Variants in PTPRN2 observed in about 807,000 individuals in gnomAD.
The protein encoded by PTPRN2 is receptor-type tyrosine-protein phosphatase N2.
In PTPRN2, 74 loss-of-function variants were observed where a neutral mutation model predicts 118.8. The ratio of observed to expected loss-of-function variants is 0.62; its 90% CI spans 0.52 to 0.76. PTPRN2 has a LOEUF of 0.76. Ranked by LOEUF, PTPRN2 falls within the 30% of genes least tolerant of loss-of-function variation. PTPRN2 has a pLI of 0.00. For missense variants in PTPRN2, 1,481 were observed against 1,394.4 expected (o/e 1.06, Z -0.99); for synonymous variants, 641 against 608.0 (o/e 1.05, Z -0.80).
intron 20 of PTPRN2, among the ~76,000 whole-genome samples, chr7:157,569,619 A>G (rs1799662060): frequency 6.6e-6 from 1 of 152,252 alleles, no homozygotes; most frequent in Non-Finnish European, 1.5e-5. Context: ...AATGTTTTGA[A>G]TAATACTTCA....
At chr7:158,130,268 G>A (rs528113161) in intron 9 of PTPRN2, among the ~76,000 whole-genome samples, 4 of 152,294 alleles carry the variant, frequency 2.6e-5, no homozygotes, top group Admixed American at 6.5e-5. Flanking sequence ...CCTCCAGTGC[G>A]AATGATCCTC....
At chr7:157,665,696 G>A (rs1479470214) in intron 13 of PTPRN2, among the ~76,000 whole-genome samples, 2 of 152,224 alleles carry the variant, frequency 1.3e-5, no homozygotes. Flanking sequence ...TATGTTTATT[G>A]TGGCACTATT....
intron 5 of PTPRN2, among the ~76,000 whole-genome samples, chr7:158,174,988 A>C (rs1201650914): frequency 1.3e-5 from 2 of 152,176 alleles, no homozygotes; most frequent in Non-Finnish European, 2.9e-5. Context: ...TCCCAAAGGC[A>C]CAATTATGAG....
chr7:157,912,999 A>G (rs1209748108), intron 11 of PTPRN2, among the ~76,000 whole-genome samples: 1 of 152,228 alleles, frequency 6.6e-6, no homozygotes, highest in African/African-American at 2.4e-5. Context: ...GATTTTTGTT[A>G]AAATTTTATT....
At chr7:158,346,176 G>T (rs1807496605) in intron 2 of PTPRN2, among the ~76,000 whole-genome samples, 1 of 152,208 alleles carries the variant, frequency 6.6e-6, no homozygotes, top group South Asian at 2.1e-4. Context: ...TTTGGAATTT[G>T]TTCTCTCAGC....
chr7:157,615,416 A>G lies in PTPRN2; in HGVS notation c.2344+5946T>C, dbSNP rs1052915413. ...CCAGCTCTGTCCCTGTGTGAATCTC[A>G]GGGCTGTTTCGAGGATGAAAAGGAG... On this transcript the variant is annotated intron_variant, in intron 15 of 22. Transcript: ENST00000389418. The surrounding 1 kb of genome is among the most constrained non-coding windows in gnomAD (Gnocchi z 4.3). 2.1e-6 allele frequency: 1 copy of G among 470,886 alleles called. No homozygotes were observed. Among genetic ancestry groups the G allele is most frequent in the Non-Finnish European group, 4.4e-6 (1 of 226,966 alleles). 29.2% of individuals were successfully genotyped at this position (470,886 alleles called of 1,614,324 possible).
At position 158,484,629 on chromosome 7, in the gene PTPRN2, C is replaced by T. The variant is rs534259854; in HGVS notation, c.163+5106G>A. On this transcript the variant is annotated intron_variant, in intron 2 of 22. Coordinates refer to ENST00000389418, the MANE Select transcript of PTPRN2 (RefSeq NM_002847.5). ...CTGCCCGCCTCGGCCTCCTGAAGTG[C>T]TGGGATTACAGGGTGAGCCTCCGCC... Among the ~76,000 whole-genome samples, 61 of 152,324 alleles carry T rather than the reference C, an allele frequency of 4.0e-4. 1 individual carries two copies. Among genetic ancestry groups the T allele is most frequent in the Admixed American group, 3.5e-3 (53 of 15,298 alleles).
rs897734562 is a variant in PTPRN2 at position 157,801,034 on chromosome 7, CAT to C, written c.1788+97637_1788+97638del. Among the ~76,000 whole-genome samples, 6 of 148,186 alleles carry C rather than the reference CAT, an allele frequency of 4.0e-5. No individual in the cohort carries two copies. The highest frequency in any genetic ancestry group is 1.9e-4 in the East Asian group (1 of 5,132). ...ACATATACACACACATATATATACA[CAT>C]ATATATACACATATATACACATATA... On this transcript the variant is annotated intron_variant, in intron 12 of 22. Transcript: ENST00000389418. The surrounding 1 kb of genome is among the most constrained non-coding windows in gnomAD (Gnocchi z 4.2).
At chr7:158,437,359 G>T (rs1428215629) in intron 2 of PTPRN2, among the ~76,000 whole-genome samples, 1 of 152,222 alleles carries the variant, frequency 6.6e-6, no homozygotes, top group East Asian at 1.9e-4. Context: ...ATCAACCACA[G>T]TTATTTTAAA....
chr7:158,264,914 C>T (rs989721222), intron 3 of PTPRN2, among the ~76,000 whole-genome samples: 1 of 152,096 alleles, frequency 6.6e-6, no homozygotes, highest in Admixed American at 6.5e-5. Context: ...CCTCCTCTTC[C>T]CTCCCTTTTC....
rs1802604799 is a variant in PTPRN2 at position 157,974,704 on chromosome 7, A to G, written c.1724-75967T>C. On this transcript the variant is annotated intron_variant, in intron 11 of 22. Coordinates refer to ENST00000389418, the MANE Select transcript of PTPRN2 (RefSeq NM_002847.5). The surrounding 1 kb of genome is among the most constrained non-coding windows in gnomAD (Gnocchi z 4.0). ...CTGGGGTGGGCAGGGCTCCATGGGAAGACACAGGTAGCGGGTCAGGTGCTG... is the reference window on the plus strand; with the variant it reads ...CTGGGGTGGGCAGGGCTCCATGGGAGGACACAGGTAGCGGGTCAGGTGCTG... Among the ~76,000 whole-genome samples the G allele has an allele frequency of 6.6e-6, 1 of 151,676 alleles. No individual in the cohort carries two copies. The highest frequency in any genetic ancestry group is 6.6e-5 in the Admixed American group (1 of 15,244).
In PTPRN2 at chr7:158,003,315, G is replaced by A. The variant is rs113313972; in HGVS notation, c.1723+77983C>T. On this transcript the variant is annotated intron_variant, in intron 11 of 22. Coordinates refer to ENST00000389418, the MANE Select transcript of PTPRN2 (RefSeq NM_002847.5). This position sits in a 1 kb window ranked among gnomAD's most constrained non-coding sequence, Gnocchi z 5.0. ...TGTAGTCCCAGCTACTTGGGAGGCT[G>A]AGGCAGGAGAATGGCATGAACCTGG... Among the ~76,000 whole-genome samples, 1 of 150,970 alleles carries A rather than the reference G, an allele frequency of 6.6e-6. No individual in the cohort carries two copies. The highest frequency in any genetic ancestry group is 1.5e-5 in the Non-Finnish European group (1 of 67,808).
chr7:158,282,767 T>G (rs182976510), intron 3 of PTPRN2, among the ~76,000 whole-genome samples: 20 of 148,552 alleles, frequency 1.3e-4, no homozygotes, highest in Admixed American at 1.0e-3. Flanking sequence ...TCCCTCCTCG[T>G]GCTCCCACAC....
intron 1 of PTPRN2, among the ~76,000 whole-genome samples, chr7:158,569,105 C>T (rs1470671063): frequency 6.6e-6 from 1 of 152,136 alleles, no homozygotes; most frequent in African/African-American, 2.4e-5. Flanking sequence ...CCAGCCTGGG[C>T]GACAGAGCAA....
At chr7:158,573,582 A>G in intron 1 of PTPRN2, among the ~76,000 whole-genome samples, 1 of 152,128 alleles carries the variant, frequency 6.6e-6, no homozygotes, top group East Asian at 1.9e-4. Flanking sequence ...TCTGTCCAGG[A>G]AGGTCAACAG....
rs527585156 is a variant in PTPRN2, at chr7:157,715,836, G to A, written c.1789-32899C>T. Among the ~76,000 whole-genome samples, 92 of 152,356 alleles carry A rather than the reference G, an allele frequency of 6.0e-4. 1 individual carries two copies. The Middle Eastern group carries it at 0.02, about 34-fold the overall frequency. ...ACTCCTGTGCTGAGGTTGCAGGGTT[G>A]CACTCTGAAAAGACACCCAGGGCAG... On this transcript the variant is annotated intron_variant, in intron 12 of 22. Transcript: ENST00000389418.
At chr7:157,543,957 G>T (rs1011336964) in intron 22 of PTPRN2, among the ~76,000 whole-genome samples, 15 of 152,196 alleles carry the variant, frequency 9.9e-5, no homozygotes, top group African/African-American at 3.6e-4. Flanking sequence ...GATGGAGAGA[G>T]ATGGGAGACA....
rs527260213 is a variant in PTPRN2 at position 158,563,826 on chromosome 7, T to C, written c.112+23732A>G. ...GATTAGATGCCTATTTTTTAGGGAA[T>C]GGTCTTTTCTGTTTATAGGATCTAT... On this transcript the variant is annotated intron_variant, in intron 1 of 22. Coordinates refer to ENST00000389418, the MANE Select transcript of PTPRN2 (RefSeq NM_002847.5). This position sits in a 1 kb window ranked among gnomAD's most constrained non-coding sequence, Gnocchi z 5.1. Among the ~76,000 whole-genome samples the C allele has an allele frequency of 2.0e-5, 3 of 152,372 alleles. No individual in the cohort carries two copies. The highest frequency in any genetic ancestry group is 4.4e-5 in the Non-Finnish European group (3 of 68,028).
At chr7:158,487,611 T>TGA (rs1385263366) in intron 2 of PTPRN2, among the ~76,000 whole-genome samples, 10 of 152,066 alleles carry the variant, frequency 6.6e-5, no homozygotes, top group African/African-American at 2.4e-4. Context: ...AGAGAGAGAG[T>TGA]GAGCCAGAGG....
Sources: allele counts gnomAD v4.1 joint callset (sites outside exome capture counted in the v4.1 genomes callset), GRCh38; gene constraint gnomAD v4.1.1; non-coding constraint Gnocchi (gnomAD v3.1); transcripts MANE v1.5; gene names NCBI Gene and HGNC (gene_info 2026-07-23, HGNC 2026-07-21).